The following ASXL1 variants were observed in gnomAD, a reference collection of about 807,000 sequenced individuals.
The protein encoded by ASXL1 is ASXL transcriptional regulator 1, also known as polycomb group protein ASXL1.
A neutral mutation model predicts 89.1 loss-of-function variants in ASXL1; 65 were observed. The observed-to-expected ratio is 0.73, with a 90% CI of 0.60 to 0.90. The LOEUF (loss-of-function observed/expected upper bound fraction) is 0.90, where lower values mean the gene tolerates loss of function less well. Ranked by LOEUF, ASXL1 falls within the 40% of genes least tolerant of loss-of-function variation. ASXL1 has a pLI of 0.00. For missense variants in ASXL1, 1,786 were observed against 1,942.9 expected, an observed-to-expected ratio of 0.92 and a Z score of 1.52; for synonymous variants, 739 against 746.9, an observed-to-expected ratio of 0.99 and a Z score of 0.17.
At chr20:32,400,582 C>T (rs368400441) in intron 4 of ASXL1, among the ~76,000 whole-genome samples, 84 of 152,214 alleles carry the variant, frequency 5.5e-4, no homozygotes, top group African/African-American at 2.0e-3. Context: ...GTGTTGTTTT[C>T]CTCTCCTTGC....
At chr20:32,364,385 T>C (rs1358076429) in intron 1 of ASXL1, among the ~76,000 whole-genome samples, 1 of 149,122 alleles carries the variant, frequency 6.7e-6, no homozygotes, top group Non-Finnish European at 1.5e-5. Context: ...CCATCTAGTT[T>C]TTTGTATTTT....
intron 1 of ASXL1, among the ~76,000 whole-genome samples, chr20:32,361,633 CAAAA>C (rs11475139): frequency 5.9e-5 from 6 of 102,316 alleles, no homozygotes; most frequent in East Asian, 2.6e-4. Flanking sequence ...AGACTCGTCT[CAAAA>C]AAAAAAAAAA....
intron 1 of ASXL1, among the ~76,000 whole-genome samples, chr20:32,362,396 G>A (rs2048129224): frequency 6.6e-6 from 1 of 152,216 alleles, no homozygotes; most frequent in South Asian, 2.1e-4. Flanking sequence ...CAGCACTTTG[G>A]GAGGCCGAGG....
At chr20:32,392,359 C>G (rs528923574) in intron 4 of ASXL1, among the ~76,000 whole-genome samples, 1 of 150,982 alleles carries the variant, frequency 6.6e-6, no homozygotes, top group African/African-American at 2.4e-5. Context: ...CTTGGCTCAC[C>G]GCAGCCTCTG....
At chr20:32,363,679 A>C (rs1569235562) in intron 1 of ASXL1, among the ~76,000 whole-genome samples, 1 of 152,214 alleles carries the variant, frequency 6.6e-6, no homozygotes, top group African/African-American at 2.4e-5. Flanking sequence ...TGCCTGGCAG[A>C]GATCAGGGAA....
At chr20:32,422,674 C>T (rs984076677) in intron 4 of ASXL1, among the ~76,000 whole-genome samples, 2 of 149,170 alleles carry the variant, frequency 1.3e-5, no homozygotes, top group African/African-American at 5.0e-5. Context: ...GCAACCTTTG[C>T]CTTCCAGGTT....
Position 32,438,331 on chromosome 20 carries a change from A to T in ASXL1, c.*993A>T, listed in dbSNP as rs1035618042. Reference sequence around the variant, plus strand: ...CAGTACTGGCTGATTCTGTAAATGGATGTATTGTACAGAGAACATGAACGT... The same window carrying T: ...CAGTACTGGCTGATTCTGTAAATGGTTGTATTGTACAGAGAACATGAACGT... On this transcript the variant is annotated 3_prime_UTR_variant, in exon 13 of 13. Coordinates refer to ENST00000375687, the MANE Select transcript of ASXL1 (RefSeq NM_015338.6). 4.3e-6 allele frequency: 1 copy of T among 233,430 alleles called. No individual in the cohort carries two copies. Among genetic ancestry groups the T allele is most frequent in the Admixed American group, 5.6e-5 (1 of 17,774 alleles). The allele number at this position is 233,430 out of a possible 1,614,324, so 14.5% of individuals were successfully genotyped here. A position where few individuals can be genotyped will look rare whatever the true frequency, so the allele number is the denominator to read the frequency against.
intron 4 of ASXL1, among the ~76,000 whole-genome samples, chr20:32,382,317 A>G (rs1485909550): frequency 6.6e-6 from 1 of 152,008 alleles, no homozygotes; most frequent in Non-Finnish European, 1.5e-5. Context: ...CTGTGGAATA[A>G]TCTGCTGACG....
Position 32,434,543 on chromosome 20 carries a change from G to T in ASXL1, c.1831G>T (p.Ala611Ser), listed in dbSNP as rs372418554. 4 of 1,613,746 alleles carry T rather than the reference G, an allele frequency of 2.5e-6. No homozygotes were observed. The African/African-American group carries it at 4.0e-5, about 16-fold the overall frequency. ...GTCCTCCTGCCGGGGTTGGACTGGC[G>T]CCAGGACCCTCGCAGACATTAAAGC... is the stretch of plus-strand genomic sequence containing the variant. ...TESSCRGWTG[A>S]RTLADIKARA... The change falls in exon 13 of 13, where the codon GCC becomes TCC. Residue 611 changes from alanine (A) to serine (S), a missense_variant. Around this residue, in one of 3 missense-constraint regions of ASXL1, gnomAD observed 1,418 missense variants for 1,427.8 expected, o/e 0.99. Coordinates refer to ENST00000375687, the MANE Select transcript of ASXL1 (RefSeq NM_015338.6).
chr20:32,400,363 A>G (rs2048852162), intron 4 of ASXL1, among the ~76,000 whole-genome samples: 1 of 152,048 alleles, frequency 6.6e-6, no homozygotes, highest in Admixed American at 6.6e-5. Flanking sequence ...TTGTTATTGG[A>G]TGCAGTTAAG....
chr20:32,374,227 C>T (rs1259240338), intron 4 of ASXL1, among the ~76,000 whole-genome samples: 1 of 152,112 alleles, frequency 6.6e-6, no homozygotes, highest in Admixed American at 6.6e-5. Context: ...TTCCTGAGCT[C>T]AAGCAATCCT....
chr20:32,388,860 T>C (rs2048623372), intron 4 of ASXL1, among the ~76,000 whole-genome samples: 1 of 152,188 alleles, frequency 6.6e-6, no homozygotes, highest in South Asian at 2.1e-4. Context: ...ATATATTGTT[T>C]TTACTTTCCT....
At chr20:32,382,299 A>G (rs867540386) in intron 4 of ASXL1, among the ~76,000 whole-genome samples, 44 of 152,066 alleles carry the variant, frequency 2.9e-4, no homozygotes, top group African/African-American at 8.2e-4. Context: ...GAGCAGTTCT[A>G]CATAAATCTG....
chr20:32,362,063 C>T (rs1259949732), intron 1 of ASXL1, among the ~76,000 whole-genome samples: 1 of 151,970 alleles, frequency 6.6e-6, no homozygotes, highest in Non-Finnish European at 1.5e-5. Context: ...GACTCTGTCT[C>T]AAAAACAAAA....
intron 4 of ASXL1, among the ~76,000 whole-genome samples, chr20:32,377,514 G>A (rs554336231): frequency 6.6e-6 from 1 of 152,118 alleles, no homozygotes; most frequent in Non-Finnish European, 1.5e-5. Context: ...GAGACATGAA[G>A]TGTTTTGGAT....
rs2012045091 is a variant in ASXL1, at chr20:32,438,323, G to A, written c.*985G>A. ...GTTGTACACAGTACTGGCTGATTCT[G>A]TAAATGGATGTATTGTACAGAGAAC... is the stretch of plus-strand genomic sequence containing the variant. On this transcript the variant is annotated 3_prime_UTR_variant, in exon 13 of 13. Coordinates refer to ENST00000375687, the MANE Select transcript of ASXL1 (RefSeq NM_015338.6). The A allele has an allele frequency of 4.3e-6, 1 of 233,390 alleles. No individual in the cohort carries two copies. The highest frequency in any genetic ancestry group is 2.2e-5 in the African/African-American group (1 of 45,308). 14.5% of individuals were successfully genotyped at this position (233,390 alleles called of 1,614,324 possible). A position where few individuals can be genotyped will look rare whatever the true frequency, so the allele number is the denominator to read the frequency against.
In ASXL1 at chr20:32,435,242, A is replaced by AC. The variant is rs750170870; in HGVS notation, c.2535dup (p.Ser846GlnfsTer5). 1.2e-6 allele frequency: 2 copies of AC among 1,613,704 alleles called. No individual in the cohort carries two copies. Among genetic ancestry groups the AC allele is most frequent in the Non-Finnish European group, 1.7e-6 (2 of 1,179,960 alleles). ...CACTATGAAGGATCCTGTAAATGTG[A>AC]CCCCCAGTTCCACACCTGAATCCTC... On this transcript the variant is annotated frameshift_variant, in exon 13 of 13. Transcript: ENST00000375687. LOFTEE classifies it low-confidence loss of function (END_TRUNC).
Position 32,433,297 on chromosome 20 carries a change from A to G in ASXL1, c.1099A>G (p.Lys367Glu). 1 of 1,614,200 alleles carries G rather than the reference A, an allele frequency of 6.2e-7. No individual in the cohort carries two copies. Among genetic ancestry groups the G allele is most frequent in the Non-Finnish European group, 8.5e-7 (1 of 1,180,036 alleles). ...DYYGQKLGLT[K>E]EESLQQNVGQ... ...TTTGATTTGCAGGCTGGGTTTGACC[A>G]AAGAAGAGTCATTGCAGCAGAACGT... Residue 367 changes from lysine to glutamate, a missense_variant, in exon 12 of 13, where the codon AAA becomes GAA. Lys to Glu is a moderately conservative substitution (Grantham distance 56). Coordinates refer to ENST00000375687, the MANE Select transcript of ASXL1 (RefSeq NM_015338.6).
At chr20:32,412,409 G>A (rs1353459195) in intron 4 of ASXL1, among the ~76,000 whole-genome samples, 1 of 152,100 alleles carries the variant, frequency 6.6e-6, no homozygotes, top group East Asian at 1.9e-4. Flanking sequence ...TTTAGCCTAA[G>A]GATATATAGT....
Sources: allele counts gnomAD v4.1 joint callset (sites outside exome capture counted in the v4.1 genomes callset), GRCh38; gene constraint gnomAD v4.1.1; regional missense constraint gnomAD v4.1.1; transcripts MANE v1.5; gene names NCBI Gene and HGNC (gene_info 2026-07-23, HGNC 2026-07-21).